Variants in PPP1R9A observed in about 807,000 individuals in gnomAD.
PPP1R9A encodes protein phosphatase 1 regulatory subunit 9A.
A neutral mutation model predicts 141.9 loss-of-function variants in PPP1R9A; 59 were observed. The observed-to-expected ratio is 0.42, with a 90% CI of 0.34 to 0.52. The LOEUF (loss-of-function observed/expected upper bound fraction) is 0.52, where lower values mean the gene tolerates loss of function less well. PPP1R9A is among the 20% of genes least tolerant of loss of function. The pLI is 0.10. For missense variants in PPP1R9A, 1,444 were observed against 1,611.9 expected, an observed-to-expected ratio of 0.90 and a Z score of 1.78; for synonymous variants, 500 against 569.7, an observed-to-expected ratio of 0.88 and a Z score of 1.74.
At chr7:95,151,336 T>A (rs1205299244) in intron 4 of PPP1R9A, among the ~76,000 whole-genome samples, 1 of 152,238 alleles carries the variant, frequency 6.6e-6, no homozygotes, top group East Asian at 1.9e-4. Context: ...CATGGAAGAA[T>A]GCATATCAGT....
chr7:95,002,690 C>G (rs1298566153), intron 2 of PPP1R9A, among the ~76,000 whole-genome samples: 1 of 152,150 alleles, frequency 6.6e-6, no homozygotes, highest in African/African-American at 2.4e-5. Context: ...TAGGCAAAAA[C>G]AGAACAGTGT....
At chr7:95,160,345 A>G (rs965163849) in intron 4 of PPP1R9A, among the ~76,000 whole-genome samples, 1 of 152,108 alleles carries the variant, frequency 6.6e-6, no homozygotes, top group Non-Finnish European at 1.5e-5. Flanking sequence ...AGCATATTTC[A>G]TCTGGATCTC....
intron 2 of PPP1R9A, among the ~76,000 whole-genome samples, chr7:94,981,532 T>A (rs1220829697): frequency 1.3e-5 from 2 of 152,194 alleles, no homozygotes; most frequent in East Asian, 3.8e-4. Context: ...CCACTGTGCC[T>A]GGCCTACGTT....
At chr7:95,062,035 C>A (rs1812307844) in intron 2 of PPP1R9A, among the ~76,000 whole-genome samples, 1 of 152,142 alleles carries the variant, frequency 6.6e-6, no homozygotes, top group South Asian at 2.1e-4. Flanking sequence ...AGGAGAATTT[C>A]TTTAACTTGC....
Position 95,268,608 on chromosome 7 carries a change from A to C in PPP1R9A, c.2724A>C (p.Arg908=), listed in dbSNP as rs531226169. 31 of 1,613,536 alleles carry C rather than the reference A, an allele frequency of 1.9e-5. 1 individual carries two copies. The South Asian group carries it at 3.4e-4, about 18-fold the overall frequency. ...TGGATTCAAAAGCACTGAAAACTCG[A>C]GCCCAGCTCTCTGTGAAGAACAGAC... The part of the protein sequence containing the change: ...ERLDSKALKT[R]AQLSVKNRRQ... Residue 908 remains arginine (R), a synonymous_variant, in exon 13 of 20, where the codon CGA becomes CGC. Coordinates refer to ENST00000433360, the MANE Select transcript of PPP1R9A (RefSeq NM_001166160.2).
chr7:95,131,956 T>G (rs1221205597), intron 4 of PPP1R9A, among the ~76,000 whole-genome samples: 1 of 152,210 alleles, frequency 6.6e-6, no homozygotes. Context: ...TGTGTTATTG[T>G]AAATGGAATT....
intron 2 of PPP1R9A, among the ~76,000 whole-genome samples, chr7:94,934,614 G>A (rs1033697288): frequency 2.6e-5 from 4 of 151,780 alleles, no homozygotes; most frequent in Non-Finnish European, 4.4e-5. Flanking sequence ...TTCTGTTTAG[G>A]CTATTAGCTG....
intron 3 of PPP1R9A, 39 bp downstream of exon 3, chr7:95,111,430 A>G (rs1455175864): frequency 7.0e-6 from 11 of 1,561,122 alleles, no homozygotes; most frequent in Non-Finnish European, 8.7e-6. Context: ...TTATGTTGCT[A>G]TGTTAATAAT....
At chr7:95,105,694 T>C (rs1384791133) in intron 2 of PPP1R9A, among the ~76,000 whole-genome samples, 1 of 152,230 alleles carries the variant, frequency 6.6e-6, no homozygotes, top group Non-Finnish European at 1.5e-5. Flanking sequence ...ATTATCCATT[T>C]TTTTGTAGAG....
chr7:95,127,432 G>A (rs1039874591), intron 4 of PPP1R9A, among the ~76,000 whole-genome samples: 5 of 151,856 alleles, frequency 3.3e-5, no homozygotes, highest in South Asian at 4.2e-4. Flanking sequence ...AAATCCAGCC[G>A]AAAGTCTATC....
intron 3 of PPP1R9A, among the ~76,000 whole-genome samples, chr7:95,117,733 A>G (rs770158045): frequency 2.0e-5 from 3 of 152,168 alleles, no homozygotes; most frequent in African/African-American, 2.4e-5. Flanking sequence ...AGTATGGGAA[A>G]GTTTGACTCA....
chr7:95,124,163 T>C (rs1163863204), intron 4 of PPP1R9A, among the ~76,000 whole-genome samples: 1 of 152,200 alleles, frequency 6.6e-6, no homozygotes, highest in African/African-American at 2.4e-5. Context: ...ACTGGTGTGT[T>C]CATTTGCACA....
At chr7:95,203,777 C>T in intron 7 of PPP1R9A, 47 bp downstream of exon 7, 1 of 1,322,898 alleles carries the variant, frequency 7.6e-7, no homozygotes, top group African/African-American at 1.5e-5. Flanking sequence ...TTTCCTGCTT[C>T]ATATGTAAAA....
intron 7 of PPP1R9A, among the ~76,000 whole-genome samples, chr7:95,217,140 C>T (rs915900218): frequency 5.3e-5 from 8 of 152,100 alleles, no homozygotes; most frequent in Admixed American, 3.9e-4. Context: ...GAGATATGTC[C>T]CAACAATACC....
rs184425296 is a variant in PPP1R9A, at chr7:95,077,964, A to G, written c.1396-33295A>G. Among the ~76,000 whole-genome samples, 86 of 145,994 alleles carry G rather than the reference A, an allele frequency of 5.9e-4. 1 individual carries two copies. In the East Asian group the frequency reaches 0.012, roughly 20 times the overall value. ...ATCTAAGTTTCCCTTACAAAACAGT[A>G]TCTTCTACTCTGTTTTTTTTTTTTT... On this transcript the variant is annotated intron_variant, in intron 2 of 19. Coordinates refer to ENST00000433360, the MANE Select transcript of PPP1R9A (RefSeq NM_001166160.2).
chr7:95,269,411 G>A lies in PPP1R9A; in HGVS notation c.3028G>A (p.Asp1010Asn). Reference protein sequence around the residue: ...EMGPLSSMWGDTSLFSTSKSD... With the variant: ...EMGPLSSMWGNTSLFSTSKSD... The stretch of plus-strand genomic sequence containing the variant: ...GGGGCCTCTCTCCTCTATGTGGGGA[G>A]ACACTTCACTGTTTTCTACTTCAAA... Residue 1010 changes from aspartate (D) to asparagine (N), a missense_variant, in exon 14 of 20, where the codon GAC becomes AAC. Transcript: ENST00000433360. 1 of 1,596,304 alleles carries A rather than the reference G, an allele frequency of 6.3e-7. No homozygotes were observed. The highest frequency in any genetic ancestry group is 8.5e-7 in the Non-Finnish European group (1 of 1,177,248).
At chr7:94,978,822 G>C (rs1480596431) in intron 2 of PPP1R9A, among the ~76,000 whole-genome samples, 6 of 152,012 alleles carry the variant, frequency 3.9e-5, no homozygotes, top group African/African-American at 1.2e-4. Flanking sequence ...TGTGAGACAC[G>C]GTCTCGCTCT....
At chr7:95,180,841 G>T (rs139105115) in intron 5 of PPP1R9A, among the ~76,000 whole-genome samples, 1,793 of 152,158 alleles carry the variant, frequency 0.012, 45 homozygotes, top group African/African-American at 0.04. Flanking sequence ...ACTCCTGCAA[G>T]AATTGGGCAT....
chr7:95,187,821 T>A (rs972475880), intron 5 of PPP1R9A, among the ~76,000 whole-genome samples: 4 of 152,170 alleles, frequency 2.6e-5, no homozygotes, highest in African/African-American at 9.6e-5. Context: ...TTTGAGGGTT[T>A]TTTTTGAGTC....
Sources: allele counts gnomAD v4.1 joint callset (sites outside exome capture counted in the v4.1 genomes callset), GRCh38; gene constraint gnomAD v4.1.1; transcripts MANE v1.5; gene names NCBI Gene and HGNC (gene_info 2026-07-23, HGNC 2026-07-21).